TBC1D13: variants seen among roughly 807,000 people sequenced by gnomAD.
TBC1D13 encodes TBC1 domain family member 13.
In TBC1D13, 40 loss-of-function variants were observed where a neutral mutation model predicts 53.6. The observed-to-expected ratio is 0.75, with a 90% CI of 0.58 to 0.97. The LOEUF (loss-of-function observed/expected upper bound fraction) is 0.97. TBC1D13 is among the 50% of genes least tolerant of loss of function. TBC1D13 has a pLI of 0.00. For synonymous variants in TBC1D13, 182 were observed against 197.7 expected, an observed-to-expected ratio of 0.92 and a Z score of 0.67; for missense variants, 377 against 499.4, an observed-to-expected ratio of 0.75 and a Z score of 2.34.
In TBC1D13 at chr9:128,809,823, C is replaced by CT. The variant is rs976420809; in HGVS notation, c.*1945dup. 6.6e-6 allele frequency: 1 copy of CT among 152,312 alleles called. No homozygotes were observed. The highest frequency in any genetic ancestry group is 2.4e-5 in the African/African-American group (1 of 41,440). 9.4% of individuals were successfully genotyped at this position (152,312 alleles called of 1,614,324 possible). A position where few individuals can be genotyped will look rare whatever the true frequency, so the allele number is the denominator to read the frequency against. On this transcript the variant is annotated 3_prime_UTR_variant, in exon 12 of 12. Coordinates refer to ENST00000372648, the MANE Select transcript of TBC1D13 (RefSeq NM_018201.5). ...AAAGATGGGAAGAGAACTGGGCTGA[C>CT]TCCAGGACCTCCAGGATGAGGCAGA...
chr9:128,791,372 C>T lies in TBC1D13; in HGVS notation c.139-8C>T. On this transcript the variant is annotated splice_polypyrimidine_tract_variant and splice_region_variant and intron_variant, in intron 3 of 11. Transcript: ENST00000372648. ...TCACCAGAGCTTTGCCCTTCTCCCT[C>T]TGTGCAGATTCTCTTGAACTACCTT... 1.2e-6 allele frequency: 2 copies of T among 1,614,160 alleles called. No homozygotes were observed. Among genetic ancestry groups the T allele is most frequent in the Non-Finnish European group, 1.7e-6 (2 of 1,179,976 alleles).
intron 9 of TBC1D13, among the ~76,000 whole-genome samples, chr9:128,805,337 A>C (rs1011477070): frequency 1.3e-5 from 2 of 152,216 alleles, no homozygotes; most frequent in Non-Finnish European, 2.9e-5. Flanking sequence ...TCTCTAAAAA[A>C]AAAAGGAAGT....
intron 6 of TBC1D13, among the ~76,000 whole-genome samples, chr9:128,793,056 AGT>A (rs1829564083): frequency 6.6e-6 from 1 of 152,248 alleles, no homozygotes; most frequent in Admixed American, 6.5e-5. Flanking sequence ...CCTGAGAAGC[AGT>A]GATTCAGCTG....
At chr9:128,794,820 C>G (rs188895016) in intron 6 of TBC1D13, among the ~76,000 whole-genome samples, 1 of 151,612 alleles carries the variant, frequency 6.6e-6, no homozygotes. Context: ...CTTCTAGAAG[C>G]GTGTTTGCAA....
At chr9:128,794,494 G>A (rs1829592765) in intron 6 of TBC1D13, among the ~76,000 whole-genome samples, 1 of 149,938 alleles carries the variant, frequency 6.7e-6, no homozygotes, top group East Asian at 2.0e-4. Flanking sequence ...GTTTTTTTTT[G>A]AGACAGAGGC....
intron 7 of TBC1D13, among the ~76,000 whole-genome samples, chr9:128,801,034 G>T (rs116530407): frequency 1.3e-5 from 2 of 152,258 alleles, no homozygotes; most frequent in Admixed American, 6.5e-5. Flanking sequence ...AATGCCAGGC[G>T]TGGTGGTGAG....
chr9:128,791,510 G>A (rs575789284), intron 4 of TBC1D13, 69 bp downstream of exon 4: 7 of 1,605,484 alleles, frequency 4.4e-6, no homozygotes, highest in East Asian at 2.2e-5. Context: ...CGCTGGGGCC[G>A]CCCTGCCTCC....
At position 128,808,456 on chromosome 9, in the gene TBC1D13, T is replaced by TGTGTGTGTGTGTGTGTGTGTG. The variant is rs66465933; in HGVS notation, c.*577_*578insGTGTGTGTGTGTGTGTGTGTG. On this transcript the variant is annotated 3_prime_UTR_variant, in exon 12 of 12. Coordinates refer to ENST00000372648, the MANE Select transcript of TBC1D13 (RefSeq NM_018201.5). ...GTGTGTGTGTGTGTGTGTGTGTGTG[T>TGTGTGTGTGTGTGTGTGTGTG]TAGGGAGTGAGGGTCTCTCAGGCCT... 45 of 164,158 alleles carry TGTGTGTGTGTGTGTGTGTGTG rather than the reference T, an allele frequency of 2.7e-4. No individual in the cohort carries two copies. Among genetic ancestry groups the TGTGTGTGTGTGTGTGTGTGTG allele is most frequent in the South Asian group, 4.8e-4 (3 of 6,306 alleles). The allele number at this position is 164,158 out of a possible 1,614,324, so 10.2% of individuals were successfully genotyped here.
intron 3 of TBC1D13, 81 bp from the exon 4 acceptor site, chr9:128,791,299 C>T (rs1236833698): frequency 5.3e-6 from 7 of 1,332,866 alleles, no homozygotes; most frequent in Non-Finnish European, 6.5e-6. Flanking sequence ...AGATGTTTTT[C>T]TTGAGGCCTG....
chr9:128,804,082 C>T lies in TBC1D13; in HGVS notation c.881C>T (p.Thr294Ile), dbSNP rs776546673. 7 of 1,614,034 alleles carry T rather than the reference C, an allele frequency of 4.3e-6. No individual in the cohort carries two copies. The highest frequency in any genetic ancestry group is 2.2e-5 in the South Asian group (2 of 91,072). ...ITYKMEKVYS[T>I]LKDKDVELYL... ...TACAAGATGGAGAAGGTTTACTCCA[C>T]CTTGAAAGATAAGGATGTGGAGCTC... The change falls in exon 9 of 12, where the codon ACC becomes ATC. Residue 294 changes from threonine (T) to isoleucine (I), a missense_variant. Physicochemically the swap from Thr to Ile is moderately conservative, Grantham distance 89. Transcript: ENST00000372648.
intron 7 of TBC1D13, among the ~76,000 whole-genome samples, chr9:128,802,353 C>T (rs552682478): frequency 2.0e-5 from 3 of 152,198 alleles, no homozygotes; most frequent in South Asian, 2.1e-4. Context: ...CCACCGTGCC[C>T]GGCCCTAAAG....
intron 6 of TBC1D13, among the ~76,000 whole-genome samples, chr9:128,795,092 C>A (rs892002066): frequency 1.6e-4 from 24 of 151,292 alleles, no homozygotes; most frequent in African/African-American, 5.8e-4. Flanking sequence ...GCTCTGTTGC[C>A]CAGGCTGGAC....
chr9:128,798,709 A>G (rs1279563769), intron 7 of TBC1D13, among the ~76,000 whole-genome samples: 1 of 152,060 alleles, frequency 6.6e-6, no homozygotes, highest in African/African-American at 2.4e-5. Flanking sequence ...TTATTCCTTA[A>G]TTTACACCCC....
chr9:128,805,047 C>T (rs1829807982), intron 9 of TBC1D13, among the ~76,000 whole-genome samples: 1 of 152,058 alleles, frequency 6.6e-6, no homozygotes, highest in South Asian at 2.1e-4. Context: ...ATAATGATAT[C>T]TTTTTAAACA....
At chr9:128,790,661 T>C (rs1829516481) in intron 2 of TBC1D13, 74 bp from the exon 3 acceptor site, 2 of 1,423,900 alleles carry the variant, frequency 1.4e-6, no homozygotes. Flanking sequence ...TCCCCGCCAG[T>C]TGGCTCCACG....
In TBC1D13 at chr9:128,804,047, T is replaced by C. The variant is rs368513382; in HGVS notation, c.846T>C (p.Cys282=). Residue 282 remains cysteine, a synonymous_variant, in exon 9 of 12, where the codon TGT becomes TGC. Coordinates refer to ENST00000372648, the MANE Select transcript of TBC1D13 (RefSeq NM_018201.5). ...TCAAGAGCCTGGATGACTCGCAGTG[T>C]GGCATCACCTACAAGATGGAGAAGG... ...NFIKSLDDSQ[C]GITYKMEKVY... The C allele has an allele frequency of 1.7e-5, 28 of 1,613,962 alleles. No individual in the cohort carries two copies. Among genetic ancestry groups the C allele is most frequent in the Non-Finnish European group, 2.2e-5 (26 of 1,180,036 alleles).
rs1020437011 is a variant in TBC1D13, at chr9:128,808,907, G to A, written c.*1028G>A. 3.3e-5 allele frequency: 5 copies of A among 152,490 alleles called. No homozygotes were observed. The highest frequency in any genetic ancestry group is 7.2e-5 in the African/African-American group (3 of 41,570). 9.4% of individuals were successfully genotyped at this position (152,490 alleles called of 1,614,324 possible). A position where few individuals can be genotyped will look rare whatever the true frequency, so the allele number is the denominator to read the frequency against. On this transcript the variant is annotated 3_prime_UTR_variant, in exon 12 of 12. Coordinates refer to ENST00000372648, the MANE Select transcript of TBC1D13 (RefSeq NM_018201.5). ...TGCTTTCTGCCCAGGGAGGGAGAAG[G>A]AAGAGGGGGAGCTGGTTTTTCTGGA...
chr9:128,790,180 C>T lies in TBC1D13; in HGVS notation c.98-555C>T, dbSNP rs186617621. On this transcript the variant is annotated intron_variant, in intron 2 of 11. Transcript: ENST00000372648. ...GCTGAGGCAGAAGAATTAGTTAAAC[C>T]GGGGAGGCGGAGGTTGCAGTGAGCA... Among the ~76,000 whole-genome samples, 24 of 145,642 alleles carry T rather than the reference C, an allele frequency of 1.6e-4. No homozygotes were observed. The East Asian group carries it at 3.3e-3, about 20-fold the overall frequency.
intron 9 of TBC1D13, among the ~76,000 whole-genome samples, chr9:128,804,377 TTAG>T (rs1159100338): frequency 2.0e-5 from 3 of 152,122 alleles, no homozygotes; most frequent in Admixed American, 6.5e-5. Context: ...GGTTAAGCTG[TTAG>T]TAGTCTTCTG....
Sources: gnomAD v4.1 joint callset for allele counts (sites outside exome capture counted in the v4.1 genomes callset) on GRCh38, gnomAD v4.1.1 for gene constraint, MANE v1.5 for transcripts, NCBI Gene and HGNC (gene_info 2026-07-23, HGNC 2026-07-21) for gene names.